Variants in MYOC observed in about 807,000 individuals in gnomAD.
The protein encoded by MYOC is myocilin, also known as juvenile-onset open-angle glaucoma 1.
In MYOC, 29 loss-of-function variants were observed where a neutral mutation model predicts 28.2. The ratio of observed to expected loss-of-function variants is 1.03; its 90% CI spans 0.77 to 1.40. The LOEUF (loss-of-function observed/expected upper bound fraction) is 1.40. Among genes scored for constraint, MYOC ranks in the 40% most tolerant of loss-of-function variants. The probability of loss-of-function intolerance (pLI) is 0.00; values close to 1 mark genes in which losing one functional copy is unlikely to be tolerated. For missense variants in MYOC, 569 were observed against 620.6 expected, an observed-to-expected ratio of 0.92 and a Z score of 0.88; for synonymous variants, 240 against 245.6, an observed-to-expected ratio of 0.98 and a Z score of 0.21.
intron 1 of MYOC, 35 bp from the exon 2 acceptor site, chr1:171,638,757 A>G: frequency 3.1e-6 from 5 of 1,612,034 alleles, no homozygotes; most frequent in Non-Finnish European, 4.2e-6. Context: ...TTTTACTGTA[A>G]GAAAAAATGG....
chr1:171,644,113 G>A (rs1185908129), intron 1 of MYOC, among the ~76,000 whole-genome samples: 1 of 152,010 alleles, frequency 6.6e-6, no homozygotes, highest in Non-Finnish European at 1.5e-5. Flanking sequence ...AGTTGCCATG[G>A]GAGGGTCCCT....
chr1:171,636,642 C>T lies in MYOC; in HGVS notation c.798G>A (p.Lys266=). The change falls in exon 3 of 3, where the codon AAG becomes AAA. Residue 266 remains lysine (K), a synonymous_variant. Coordinates refer to ENST00000037502, the MANE Select transcript of MYOC (RefSeq NM_000261.2). The stretch of plus-strand genomic sequence containing the variant: ...TGGGGTCTCGCATCCACACACCATA[C>T]TTGCCAGTAATTGTTTCTGCTGTTC... ...TLRTAETITG[K]YGVWMRDPKP... 3.1e-6 allele frequency: 5 copies of T among 1,611,464 alleles called. No individual in the cohort carries two copies. The highest frequency in any genetic ancestry group is 1.3e-5 in the African/African-American group (1 of 75,056).
In MYOC at chr1:171,638,717, T is replaced by A. The variant is rs774504389; in HGVS notation, c.610A>T (p.Thr204Ser). 6.2e-7 allele frequency: 1 copy of A among 1,614,110 alleles called. No individual in the cohort carries two copies. Among genetic ancestry groups the A allele is most frequent in the Admixed American group, 1.7e-5 (1 of 60,016 alleles). ...AVPPGSREVSTWNLDTLAFQE... is the reference protein window; with the variant it reads ...AVPPGSREVSSWNLDTLAFQE... Reference sequence around the variant, plus strand: ...AAGGCCAAAGTGTCCAAATTCCACGTAGAAACTGCATTAAAAGAAAGAGAC... The same window carrying A: ...AAGGCCAAAGTGTCCAAATTCCACGAAGAAACTGCATTAAAAGAAAGAGAC... The change falls in exon 2 of 3, where the codon ACG (threonine) becomes TCG (serine). Residue 204 changes from threonine (T) to serine (S), a missense_variant. Coordinates refer to ENST00000037502, the MANE Select transcript of MYOC (RefSeq NM_000261.2).
At chr1:171,636,845 G>A in intron 2 of MYOC, 136 bp from the exon 3 acceptor site, 1 of 927,668 alleles carries the variant, frequency 1.1e-6, no homozygotes, top group South Asian at 1.4e-5. Context: ...TTTAAAGCTA[G>A]GCTCTACCAC....
chr1:171,644,084 C>T (rs764491599), intron 1 of MYOC, among the ~76,000 whole-genome samples: 10 of 151,744 alleles, frequency 6.6e-5, no homozygotes, highest in Admixed American at 5.9e-4. Context: ...TGTCCCTACA[C>T]TTCAGCTATG....
chr1:171,636,822 C>A, intron 2 of MYOC, 113 bp from the exon 3 acceptor site: 1 of 1,193,708 alleles, frequency 8.4e-7, no homozygotes, highest in Non-Finnish European at 1.2e-6. Flanking sequence ...GCCCTGGAGA[C>A]AAATCGTCTG....
Position 171,652,396 on chromosome 1 carries a change from A to G in MYOC, c.216T>C (p.His72=). The change falls in exon 1 of 3, where the codon CAT becomes CAC. Residue 72 remains histidine (H), a synonymous_variant. Coordinates refer to ENST00000037502, the MANE Select transcript of MYOC (RefSeq NM_000261.2). The part of the protein sequence containing the change: ...PEQSQAMSVI[H]NLQRDSSTQR... ...GGGTGCTGCTGTCTCTCTGTAAGTT[A>G]TGGATGACTGACATGGCCTGGCTCT... 2 of 1,613,884 alleles carry G rather than the reference A, an allele frequency of 1.2e-6. No homozygotes were observed. Among genetic ancestry groups the G allele is most frequent in the Non-Finnish European group, 1.7e-6 (2 of 1,179,804 alleles).
chr1:171,648,845 C>T (rs1232416271), intron 1 of MYOC, among the ~76,000 whole-genome samples: 1 of 150,502 alleles, frequency 6.6e-6, no homozygotes, highest in East Asian at 1.9e-4. Flanking sequence ...CGCCACCACA[C>T]CCGGCTAATT....
Position 171,635,941 on chromosome 1 carries a change from TTGATGTCATAA to T in MYOC, c.1488_1498del (p.Tyr497AlafsTer40). ...GGAGGCTTTTCACATCTTGGAGAGC[TTGATGTCATAA>T]GTGACCATGTTCAAGTTGTCCCAGG... On this transcript the variant is annotated frameshift_variant, in exon 3 of 3. Coordinates refer to ENST00000037502, the MANE Select transcript of MYOC (RefSeq NM_000261.2). LOFTEE classifies it high-confidence loss of function. The T allele has an allele frequency of 6.2e-7, 1 of 1,614,144 alleles. No homozygotes were observed. Among genetic ancestry groups the T allele is most frequent in the Non-Finnish European group, 8.5e-7 (1 of 1,180,028 alleles).
rs727504025 is a variant in MYOC, at chr1:171,635,949, A to C, written c.1491T>G (p.Tyr497Ter). 4.3e-6 allele frequency: 7 copies of C among 1,614,160 alleles called. No homozygotes were observed. Among genetic ancestry groups the C allele is most frequent in the East Asian group, 2.2e-5 (1 of 44,882 alleles). ...TTCACATCTTGGAGAGCTTGATGTCATAAGTGACCATGTTCAAGTTGTCCC... is the reference window on the plus strand; with the variant it reads ...TTCACATCTTGGAGAGCTTGATGTCCTAAGTGACCATGTTCAAGTTGTCCC... ...FAWDNLNMVT[Y>*]DIKLSKM is the part of the protein sequence containing the mutation. Residue 497 changes from tyrosine (Y) to a stop codon, truncating the protein, a stop_gained, in exon 3 of 3, where the codon TAT becomes TAG. Coordinates refer to ENST00000037502, the MANE Select transcript of MYOC (RefSeq NM_000261.2). LOFTEE classifies it high-confidence loss of function.
rs603490 is a variant in MYOC at position 171,639,002 on chromosome 1, A to C, written c.605-280T>G. 0.6 allele frequency among the ~76,000 whole-genome samples: 91,274 copies of C among 151,798 alleles called. 27,551 individuals carry two copies. Among genetic ancestry groups the C allele is most frequent in the East Asian group, 0.76 (3,884 of 5,132 alleles). The stretch of plus-strand genomic sequence containing the variant: ...TCCCAGCTTCTTGGGAGACTGAGGC[A>C]GGAGAATTGCTTGAACCAAGGAGGG... On this transcript the variant is annotated intron_variant, in intron 1 of 2. Transcript: ENST00000037502.
intron 1 of MYOC, among the ~76,000 whole-genome samples, chr1:171,643,633 C>G (rs1653131849): frequency 6.6e-6 from 1 of 152,150 alleles, no homozygotes; most frequent in Non-Finnish European, 1.5e-5. Context: ...GCAGACTCTG[C>G]CTCAGGACAA....
At position 171,652,479 on chromosome 1, in the gene MYOC, C is replaced by T. The variant is rs1201451610; in HGVS notation, c.133G>A (p.Gly45Ser). The change falls in exon 1 of 3, where the codon GGC becomes AGC. Residue 45 changes from glycine (G) to serine (S), a missense_variant. Physicochemically the swap from Gly to Ser is moderately conservative, Grantham distance 56. Transcript: ENST00000037502. The stretch of plus-strand genomic sequence containing the variant: ...ACACTGAAGGTATACTGGCATCGGC[C>T]ACTCTGGTCATTGGCCTTCCTGAGC... ...AQLRKANDQS[G>S]RCQYTFSVAS... The T allele has an allele frequency of 1.2e-6, 2 of 1,614,238 alleles. No individual in the cohort carries two copies. The highest frequency in any genetic ancestry group is 1.7e-6 in the Non-Finnish European group (2 of 1,180,052).
At chr1:171,643,009 T>C (rs1653114871) in intron 1 of MYOC, among the ~76,000 whole-genome samples, 4 of 152,092 alleles carry the variant, frequency 2.6e-5, no homozygotes, top group South Asian at 4.1e-4. Context: ...ACCAGTTTCT[T>C]GGACAATCTG....
chr1:171,649,689 G>C (rs1300779447), intron 1 of MYOC, among the ~76,000 whole-genome samples: 3 of 152,212 alleles, frequency 2.0e-5, no homozygotes, highest in African/African-American at 7.2e-5. Context: ...CAGCTACTCA[G>C]GAGGCTGAGG....
rs202176570 is a variant in MYOC at position 171,636,626 on chromosome 1, G to T, written c.814C>A (p.Arg272=). ...TAGGGGTAGGTGGGCTTGGGGTCTC[G>T]CATCCACACACCATACTTGCCAGTA... The part of the protein sequence containing the change: ...TITGKYGVWM[R]DPKPTYPYTQ... The change falls in exon 3 of 3, where the codon CGA becomes AGA. Residue 272 remains arginine, a synonymous_variant. Transcript: ENST00000037502. 1.2e-6 allele frequency: 2 copies of T among 1,611,746 alleles called. No homozygotes were observed. Among genetic ancestry groups the T allele is most frequent in the Non-Finnish European group, 1.7e-6 (2 of 1,179,734 alleles).
intron 1 of MYOC, among the ~76,000 whole-genome samples, chr1:171,640,341 T>C (rs183532): frequency 0.6 from 91,522 of 151,902 alleles, 27,689 homozygotes; most frequent in East Asian, 0.75. Context: ...GTGATCATGG[T>C]GTGCTACATG....
chr1:171,651,655 A>G (rs1410159306), intron 1 of MYOC, among the ~76,000 whole-genome samples: 4 of 152,206 alleles, frequency 2.6e-5, no homozygotes, highest in Non-Finnish European at 5.9e-5. Context: ...TAACAATCTG[A>G]GCAAAGGTTC....
At chr1:171,644,174 A>C (rs1316552682) in intron 1 of MYOC, among the ~76,000 whole-genome samples, 1 of 152,124 alleles carries the variant, frequency 6.6e-6, no homozygotes, top group Non-Finnish European at 1.5e-5. Context: ...AAAATCACTA[A>C]CATTTCATTC....
Sources: gnomAD v4.1 joint callset for allele counts (sites outside exome capture counted in the v4.1 genomes callset) on GRCh38, gnomAD v4.1.1 for gene constraint, MANE v1.5 for transcripts, NCBI Gene and HGNC (gene_info 2026-07-23, HGNC 2026-07-21) for gene names.